NRF1: variants seen among roughly 807,000 people sequenced by gnomAD.
The protein encoded by NRF1 is nuclear respiratory factor 1, also known as alpha palindromic-binding protein.
NRF1 carries 5 observed loss-of-function variants against 58.5 expected under a neutral mutation model. The ratio of observed to expected loss-of-function variants is 0.09; its 90% CI spans 0.04 to 0.18. The LOEUF is 0.18. Among genes scored for constraint, NRF1 ranks in the 10% least tolerant of loss-of-function variants. The pLI is 1.00. For synonymous variants in NRF1, 224 were observed against 246.7 expected, an observed-to-expected ratio of 0.91 and a Z score of 0.86; for missense variants, 288 against 657.7, an observed-to-expected ratio of 0.44 and a Z score of 6.15.
In NRF1 at chr7:129,715,261, C is replaced by T. The variant is rs140561303; in HGVS notation, c.1066-1958C>T. On this transcript the variant is annotated intron_variant, in intron 8 of 10. Transcript: ENST00000393232. ...TGGGGAGGGTGCTATTGGCATCTAG[C>T]GGGTACAAGCCGGGATGCTGCTAAC... Among the ~76,000 whole-genome samples, 45 of 152,194 alleles carry T rather than the reference C, an allele frequency of 3.0e-4. 1 individual carries two copies. In the South Asian group the frequency reaches 3.5e-3, roughly 12 times the overall value.
chr7:129,734,282 A>C (rs1319649623), intron 10 of NRF1, among the ~76,000 whole-genome samples: 2 of 152,238 alleles, frequency 1.3e-5, no homozygotes, highest in Non-Finnish European at 2.9e-5. Flanking sequence ...AGGGAAGCTG[A>C]GACACAGAAA....
chr7:129,736,571 G>T (rs576335053), intron 10 of NRF1, among the ~76,000 whole-genome samples: 3 of 151,838 alleles, frequency 2.0e-5, no homozygotes, highest in Admixed American at 6.5e-5. Flanking sequence ...TTAACCTGGG[G>T]TCTATGGACC....
At chr7:129,693,290 A>C (rs1378540786) in intron 5 of NRF1, among the ~76,000 whole-genome samples, 2 of 152,142 alleles carry the variant, frequency 1.3e-5, no homozygotes, top group East Asian at 3.8e-4. Context: ...TTCCATCTGA[A>C]CCAGCAACTT....
At chr7:129,738,435 T>C (rs1430845467) in intron 10 of NRF1, among the ~76,000 whole-genome samples, 1 of 152,170 alleles carries the variant, frequency 6.6e-6, no homozygotes, top group Non-Finnish European at 1.5e-5. Context: ...CCCTGGGAAA[T>C]AGGCTTTCTT....
At chr7:129,721,545 G>T (rs1337709903) in intron 9 of NRF1, among the ~76,000 whole-genome samples, 1 of 149,982 alleles carries the variant, frequency 6.7e-6, no homozygotes, top group Admixed American at 6.7e-5. Flanking sequence ...GCAGTGGCGC[G>T]ATCTCGGCTC....
At chr7:129,677,596 T>C (rs1182871992) in intron 3 of NRF1, 36 bp from the exon 4 acceptor site, 21 of 1,610,370 alleles carry the variant, frequency 1.3e-5, no homozygotes, top group Non-Finnish European at 1.8e-5. Context: ...TCCGTCTTTT[T>C]AAAACTTTTT....
At chr7:129,696,060 T>TAAAAAAAA (rs11434445) in intron 5 of NRF1, among the ~76,000 whole-genome samples, 3 of 53,378 alleles carry the variant, frequency 5.6e-5, no homozygotes, top group Admixed American at 2.5e-4. Context: ...CCGTCTCTAC[T>TAAAAAAAA]AAAAAAAAAA....
chr7:129,615,629 A>G (rs190766583), intron 1 of NRF1, among the ~76,000 whole-genome samples: 1 of 152,302 alleles, frequency 6.6e-6, no homozygotes, highest in African/African-American at 2.4e-5. Context: ...ATGCTTAGTA[A>G]AACAGCAATG....
intron 10 of NRF1, among the ~76,000 whole-genome samples, chr7:129,748,645 T>C (rs1804039540): frequency 6.6e-6 from 1 of 152,080 alleles, no homozygotes; most frequent in Admixed American, 6.6e-5. Flanking sequence ...TAGACTTTAT[T>C]TTCCTGATAG....
In NRF1 at chr7:129,723,374, C is replaced by G. The variant is rs1275903158; in HGVS notation, c.1224-3867C>G. ...AGGAGAATCGCTTGAACCTGGGAGGCAGAGGTTGCGGTGAGCCAAGATCAT... is the reference window on the plus strand; with the variant it reads ...AGGAGAATCGCTTGAACCTGGGAGGGAGAGGTTGCGGTGAGCCAAGATCAT... On this transcript the variant is annotated intron_variant, in intron 9 of 10. Transcript: ENST00000393232. Among the ~76,000 whole-genome samples the G allele has an allele frequency of 3.3e-5, 5 of 150,874 alleles. No homozygotes were observed. The East Asian group carries it at 9.8e-4, about 29-fold the overall frequency.
At chr7:129,730,095 G>C (rs1385698677) in intron 10 of NRF1, among the ~76,000 whole-genome samples, 1 of 152,322 alleles carries the variant, frequency 6.6e-6, no homozygotes, top group Admixed American at 6.5e-5. Context: ...AAAGTACTGG[G>C]AATACAGGCG....
intron 2 of NRF1, among the ~76,000 whole-genome samples, chr7:129,666,085 A>G (rs1481419366): frequency 6.6e-6 from 1 of 152,252 alleles, no homozygotes; most frequent in African/African-American, 2.4e-5. Flanking sequence ...ATACTTGAAT[A>G]TTTGAATCAT....
In NRF1 at chr7:129,657,492, T is replaced by A. The variant is rs1882094; in HGVS notation, c.141T>A (p.Ser47=). The A allele has an allele frequency of 1.9e-5, 31 of 1,613,744 alleles. 1 individual carries two copies. In the Middle Eastern group the frequency reaches 4.9e-4, roughly 26 times the overall value. Residue 47 remains serine, a synonymous_variant, in exon 2 of 11, where the codon TCT becomes TCA. Coordinates refer to ENST00000393232, the MANE Select transcript of NRF1 (RefSeq NM_005011.5). Reference sequence around the variant, plus strand: ...GTGCTGATGAAGACTCGCCTTCTTCTCCCGAGGACACCTCTTACGATGACT... The same window carrying A: ...GTGCTGATGAAGACTCGCCTTCTTCACCCGAGGACACCTCTTACGATGACT... ...MLSADEDSPS[S]PEDTSYDDSD...
intron 3 of NRF1, among the ~76,000 whole-genome samples, chr7:129,675,693 A>G (rs1321362059): frequency 6.6e-6 from 1 of 152,234 alleles, no homozygotes; most frequent in Non-Finnish European, 1.5e-5. Context: ...GTGGGTCTCA[A>G]CAGTGGTCTT....
At chr7:129,692,220 C>G (rs1802586685) in intron 5 of NRF1, among the ~76,000 whole-genome samples, 2 of 152,160 alleles carry the variant, frequency 1.3e-5, no homozygotes, top group African/African-American at 4.8e-5. Context: ...AGCCTATCCA[C>G]TGTGGTCTGC....
intron 1 of NRF1, among the ~76,000 whole-genome samples, chr7:129,619,468 G>A (rs1487508259): frequency 5.8e-4 from 13 of 22,306 alleles, no homozygotes; most frequent in Admixed American, 1.5e-3. Context: ...ACGTGTGTGT[G>A]TGTGTGTGTG....
At chr7:129,754,915 G>T (rs956505683) in intron 10 of NRF1, 103 bp from the exon 11 acceptor site, 1 of 1,191,722 alleles carries the variant, frequency 8.4e-7, no homozygotes, top group South Asian at 1.9e-5. Flanking sequence ...CCTGAGGCTG[G>T]TGACCACGAT....
chr7:129,620,723 GA>G (rs1463930904), intron 1 of NRF1, among the ~76,000 whole-genome samples: 1 of 152,172 alleles, frequency 6.6e-6, no homozygotes, highest in Non-Finnish European at 1.5e-5. Flanking sequence ...TGTTTTGAAA[GA>G]AAACAAATTG....
At chr7:129,638,080 T>C (rs1801208894) in intron 1 of NRF1, among the ~76,000 whole-genome samples, 1 of 152,122 alleles carries the variant, frequency 6.6e-6, no homozygotes, top group South Asian at 2.1e-4. Context: ...TAGTTTTTTT[T>C]GTACATTGCT....
Sources: allele counts gnomAD v4.1 joint callset (sites outside exome capture counted in the v4.1 genomes callset), GRCh38; gene constraint gnomAD v4.1.1; transcripts MANE v1.5; gene names NCBI Gene and HGNC (gene_info 2026-07-23, HGNC 2026-07-21).